Variants in CACNG2 observed in about 807,000 individuals in gnomAD.
CACNG2 encodes calcium voltage-gated channel auxiliary subunit gamma 2, also known as voltage-dependent calcium channel gamma-2 subunit.
CACNG2 carries 3 observed loss-of-function variants against 25.9 expected under a neutral mutation model. That is an observed-to-expected ratio of 0.12 (90% CI 0.05 to 0.30). The LOEUF (loss-of-function observed/expected upper bound fraction) is 0.30, where lower values mean the gene tolerates loss of function less well. Ranked by LOEUF, CACNG2 falls within the 10% of genes least tolerant of loss-of-function variation. The pLI, the probability that CACNG2 is intolerant of heterozygous loss-of-function variation, is 1.00. For synonymous variants in CACNG2, 167 were observed against 173.3 expected, an observed-to-expected ratio of 0.96 and a Z score of 0.29; for missense variants, 341 against 432.5, an observed-to-expected ratio of 0.79 and a Z score of 1.88.
At chr22:36,644,465 T>C (rs1936488950) in intron 1 of CACNG2, among the ~76,000 whole-genome samples, 1 of 152,200 alleles carries the variant, frequency 6.6e-6, no homozygotes, top group African/African-American at 2.4e-5. Context: ...TATTTTTCTT[T>C]TCAGATTGGC....
intron 1 of CACNG2, among the ~76,000 whole-genome samples, chr22:36,649,661 T>C (rs999343608): frequency 2.0e-5 from 3 of 152,160 alleles, no homozygotes; most frequent in African/African-American, 7.2e-5. Context: ...GTAGCTCCCA[T>C]CATTCCCACG....
At chr22:36,604,423 AGATT>A (rs1361836343) in intron 1 of CACNG2, among the ~76,000 whole-genome samples, 3 of 152,262 alleles carry the variant, frequency 2.0e-5, no homozygotes. Flanking sequence ...GGGTTTGAGA[AGATT>A]GATTGCAACT....
chr22:36,643,253 C>T (rs1936468991), intron 1 of CACNG2, among the ~76,000 whole-genome samples: 1 of 147,356 alleles, frequency 6.8e-6, no homozygotes, highest in Non-Finnish European at 1.5e-5. Context: ...TCTCTTCTTT[C>T]TTTCTCTCTC....
intron 1 of CACNG2, among the ~76,000 whole-genome samples, chr22:36,596,152 C>T (rs956006730): frequency 6.6e-6 from 1 of 152,114 alleles, no homozygotes. Context: ...CGAGCTGAGG[C>T]GTGGGGAGGA....
chr22:36,628,723 A>G (rs1603502048), intron 1 of CACNG2, among the ~76,000 whole-genome samples: 1 of 152,140 alleles, frequency 6.6e-6, no homozygotes, highest in Non-Finnish European at 1.5e-5. Context: ...CACTGGCAGG[A>G]AAGTGTGAAT....
intron 1 of CACNG2, among the ~76,000 whole-genome samples, chr22:36,601,366 A>C (rs1935751154): frequency 1.3e-5 from 2 of 152,254 alleles, no homozygotes; most frequent in South Asian, 4.1e-4. Context: ...ATCAGAAATA[A>C]TATTCCATTG....
In CACNG2 at chr22:36,679,231, C is replaced by CTTTCTTTCT. The variant is rs1569049917; in HGVS notation, c.211+23134_211+23135insAGAAAGAAA. On this transcript the variant is annotated intron_variant, in intron 1 of 3. Transcript: ENST00000300105. ...CTTTCTTTCTTTCTTTCTTTCTTTC[C>CTTTCTTTCT]TTCTTTCTTTCTTTCTTTTCTTTAA... Among the ~76,000 whole-genome samples, 175 of 86,624 alleles carry CTTTCTTTCT rather than the reference C, an allele frequency of 2.0e-3. 4 individuals carry two copies. In the Middle Eastern group the frequency reaches 0.027, roughly 13 times the overall value. 56.8% of individuals were successfully genotyped at this position (86,624 alleles called of 152,430 possible).
chr22:36,635,306 T>C (rs1487004932), intron 1 of CACNG2, among the ~76,000 whole-genome samples: 2 of 145,624 alleles, frequency 1.4e-5, no homozygotes, highest in African/African-American at 2.5e-5. Context: ...AAAAGAAAAA[T>C]GGTCAATCAA....
At chr22:36,675,663 C>A (rs949357425) in intron 1 of CACNG2, among the ~76,000 whole-genome samples, 3 of 152,226 alleles carry the variant, frequency 2.0e-5, no homozygotes, top group African/African-American at 7.2e-5. Flanking sequence ...CTGGCAGTGT[C>A]AGGGCACTGG....
intron 1 of CACNG2, among the ~76,000 whole-genome samples, chr22:36,663,403 T>G (rs964382656): frequency 6.6e-6 from 1 of 152,204 alleles, no homozygotes; most frequent in South Asian, 2.1e-4. Context: ...TTCTGATGAC[T>G]GCTGCACACA....
intron 1 of CACNG2, among the ~76,000 whole-genome samples, chr22:36,667,982 C>T (rs1936896647): frequency 6.6e-6 from 1 of 152,228 alleles, no homozygotes; most frequent in South Asian, 2.1e-4. Flanking sequence ...CTGCTCTTGC[C>T]TCATGCTGGG....
chr22:36,629,800 C>T (rs1936240394), intron 1 of CACNG2, among the ~76,000 whole-genome samples: 1 of 152,118 alleles, frequency 6.6e-6, no homozygotes, highest in African/African-American at 2.4e-5. Flanking sequence ...AAAGTCTCTG[C>T]CTTTAGAGAG....
At chr22:36,582,562 C>T (rs555422723) in intron 2 of CACNG2, among the ~76,000 whole-genome samples, 10 of 151,966 alleles carry the variant, frequency 6.6e-5, no homozygotes, top group South Asian at 2.1e-4. Flanking sequence ...TGCACCACCA[C>T]GCCTGGCTAA....
rs546915718 is a variant in CACNG2, at chr22:36,606,233, A to G, written c.212-18685T>C. ...AGTCTTGAGAGGACCCTAGACAAAT[A>G]ATTAATGCAGACGACCCAGAATGAA... On this transcript the variant is annotated intron_variant, in intron 1 of 3. Transcript: ENST00000300105. The surrounding 1 kb of genome is among the most constrained non-coding windows in gnomAD (Gnocchi z 5.7). Among the ~76,000 whole-genome samples the G allele has an allele frequency of 1.3e-5, 2 of 152,322 alleles. No individual in the cohort carries two copies. Among genetic ancestry groups the G allele is most frequent in the African/African-American group, 4.8e-5 (2 of 41,566 alleles).
intron 1 of CACNG2, among the ~76,000 whole-genome samples, chr22:36,668,396 G>A (rs1402978397): frequency 6.6e-6 from 1 of 152,218 alleles, no homozygotes; most frequent in Non-Finnish European, 1.5e-5. Context: ...TAGGGAGGCC[G>A]AGAAGTCCCA....
chr22:36,691,105 A>G (rs1325428602), intron 1 of CACNG2, among the ~76,000 whole-genome samples: 1 of 152,236 alleles, frequency 6.6e-6, no homozygotes, highest in African/African-American at 2.4e-5. Context: ...TTGTTGAAGA[A>G]ATAGATGAGG....
intron 1 of CACNG2, among the ~76,000 whole-genome samples, chr22:36,597,276 G>A (rs1318827596): frequency 1.3e-5 from 2 of 152,100 alleles, no homozygotes; most frequent in Admixed American, 6.5e-5. Flanking sequence ...CACCCACCTC[G>A]GCCTCCCAAA....
chr22:36,642,056 G>C (rs1184313125), intron 1 of CACNG2, among the ~76,000 whole-genome samples: 1 of 152,142 alleles, frequency 6.6e-6, no homozygotes, highest in Non-Finnish European at 1.5e-5. Flanking sequence ...TGCTGAGAGA[G>C]AGAAGAGGGT....
At chr22:36,656,036 G>A (rs1936701692) in intron 1 of CACNG2, among the ~76,000 whole-genome samples, 1 of 152,068 alleles carries the variant, frequency 6.6e-6, no homozygotes. Context: ...TTGAACTCCT[G>A]ACCTCAGGTG....
Sources: allele counts gnomAD v4.1 joint callset (sites outside exome capture counted in the v4.1 genomes callset), GRCh38; gene constraint gnomAD v4.1.1; non-coding constraint Gnocchi (gnomAD v3.1); transcripts MANE v1.5; gene names NCBI Gene and HGNC (gene_info 2026-07-23, HGNC 2026-07-21).